CD38: variants seen among roughly 807,000 people sequenced by gnomAD.
CD38 encodes the protein ADP-ribosyl cyclase/cyclic ADP-ribose hydrolase 1.
CD38 carries 31 observed loss-of-function variants against 36.3 expected under a neutral mutation model. The ratio of observed to expected loss-of-function variants is 0.85; its 90% CI spans 0.64 to 1.15. The LOEUF is 1.15. Among genes scored for constraint, CD38 ranks in the 50% most tolerant of loss-of-function variants. The pLI, the probability that CD38 is intolerant of heterozygous loss-of-function variation, is 0.00. For missense variants in CD38, 380 were observed against 371.9 expected (o/e 1.02, Z -0.18); for synonymous variants, 131 against 135.2 (o/e 0.97, Z 0.22).
At chr4:15,781,000 C>G (rs1722683926) in intron 1 of CD38, among the ~76,000 whole-genome samples, 1 of 152,130 alleles carries the variant, frequency 6.6e-6, no homozygotes, top group African/African-American at 2.4e-5. Flanking sequence ...CCCAGCTACT[C>G]TGGAGACTGA....
Position 15,820,490 on chromosome 4 carries a change from G to T in CD38, c.363+3850G>T, listed in dbSNP as rs1723708690. Reference sequence around the variant, plus strand: ...CATAGGCTCAAAATAAGGGATGGAGGAATATTTACCAAGCAAATGGGAAAC... The same window carrying T: ...CATAGGCTCAAAATAAGGGATGGAGTAATATTTACCAAGCAAATGGGAAAC... On this transcript the variant is annotated intron_variant, in intron 2 of 7. Transcript: ENST00000226279. 2.0e-5 allele frequency among the ~76,000 whole-genome samples: 3 copies of T among 152,142 alleles called. No individual in the cohort carries two copies. The South Asian group carries it at 6.2e-4, about 32-fold the overall frequency.
intron 1 of CD38, among the ~76,000 whole-genome samples, chr4:15,809,003 T>G (rs976875365): frequency 2.6e-5 from 4 of 152,176 alleles, no homozygotes; most frequent in Admixed American, 2.0e-4. Context: ...GGCTGGGATA[T>G]TCTAGTTGTG....
intron 2 of CD38, among the ~76,000 whole-genome samples, chr4:15,819,211 A>T (rs905345390): frequency 1.1e-4 from 16 of 152,184 alleles, no homozygotes; most frequent in African/African-American, 3.9e-4. Flanking sequence ...GGAGGATAAC[A>T]TTAGGAGAAA....
Position 15,802,374 on chromosome 4 carries a change from A to G in CD38, c.234-14137A>G, listed in dbSNP as rs749222920. On this transcript the variant is annotated intron_variant, in intron 1 of 7. Transcript: ENST00000226279. ...GATTCCATACTACCCAAAGGAATCT[A>G]CAGATTCAGTGCAATCTCTATCGAA... 3.4e-4 allele frequency among the ~76,000 whole-genome samples: 51 copies of G among 152,172 alleles called. 1 individual carries two copies. The highest frequency in any genetic ancestry group is 6.6e-4 in the Non-Finnish European group (45 of 68,034).
chr4:15,841,497 C>A (rs1285182864), intron 7 of CD38, among the ~76,000 whole-genome samples: 3 of 152,182 alleles, frequency 2.0e-5, no homozygotes, highest in Admixed American at 2.0e-4. Flanking sequence ...AGCAGTTAGA[C>A]AGGAAAACAG....
At chr4:15,834,341 C>G in intron 4 of CD38, 39 bp downstream of exon 4, 1 of 1,259,730 alleles carries the variant, frequency 7.9e-7, no homozygotes, top group Non-Finnish European at 1.2e-6. Context: ...CTTTGGAGAC[C>G]ACAGAACTTA....
At chr4:15,822,630 A>C (rs28882455) in intron 2 of CD38, among the ~76,000 whole-genome samples, 9,650 of 152,174 alleles carry the variant, frequency 0.063, 346 homozygotes, top group African/African-American at 0.065. Context: ...AAACAAGGGA[A>C]GTGAAGGACC....
At chr4:15,802,361 C>T (rs1723244693) in intron 1 of CD38, among the ~76,000 whole-genome samples, 1 of 151,958 alleles carries the variant, frequency 6.6e-6, no homozygotes, top group African/African-American at 2.4e-5. Flanking sequence ...TTCCATACTA[C>T]CCAAAGGAAT....
chr4:15,790,704 C>A (rs369628821), intron 1 of CD38, among the ~76,000 whole-genome samples: 1 of 150,916 alleles, frequency 6.6e-6, no homozygotes, highest in Non-Finnish European at 1.5e-5. Context: ...CGTCTCTGCC[C>A]GGCCGCCATC....
intron 2 of CD38, among the ~76,000 whole-genome samples, chr4:15,821,102 T>C (rs1723724468): frequency 1.3e-5 from 2 of 152,078 alleles, no homozygotes; most frequent in South Asian, 4.1e-4. Context: ...GGGTAAATAA[T>C]AAAATTAAGC....
intron 2 of CD38, among the ~76,000 whole-genome samples, chr4:15,822,687 CACAA>C (rs909830876): frequency 8.5e-5 from 13 of 152,236 alleles, no homozygotes; most frequent in African/African-American, 3.1e-4. Flanking sequence ...TCAGAAAGGA[CACAA>C]ACAAATAGAA....
chr4:15,824,501 C>T (rs2148924394), intron 2 of CD38, among the ~76,000 whole-genome samples: 1 of 151,974 alleles, frequency 6.6e-6, no homozygotes, highest in East Asian at 1.9e-4. Flanking sequence ...AATCAAATAG[C>T]ACATCTTCCT....
intron 1 of CD38, among the ~76,000 whole-genome samples, chr4:15,784,900 A>T (rs7659350): frequency 0.21 from 31,489 of 152,022 alleles, 3,472 homozygotes; most frequent in African/African-American, 0.23. Flanking sequence ...TACTAAAAAT[A>T]CAAAAATTAG....
rs535711307 is a variant in CD38 at position 15,851,019 on chromosome 4, T to G, written c.*2417T>G. ...AATATTAGAAATCAATTTTTGAAAT[T>G]TCCCCTAGGAAGACTCATTTGAGTG... On this transcript the variant is annotated 3_prime_UTR_variant, in exon 8 of 8. Transcript: ENST00000226279. 1 of 152,314 alleles carries G rather than the reference T, an allele frequency of 6.6e-6. No homozygotes were observed. Among genetic ancestry groups the G allele is most frequent in the Non-Finnish European group, 1.5e-5 (1 of 68,044 alleles). 9.4% of individuals were successfully genotyped at this position (152,314 alleles called of 1,614,324 possible). A position where few individuals can be genotyped will look rare whatever the true frequency, so the allele number is the denominator to read the frequency against.
chr4:15,849,422 G>GT lies in CD38; in HGVS notation c.*823dup, dbSNP rs2148930445. 1 of 152,252 alleles carries GT rather than the reference G, an allele frequency of 6.6e-6. No individual in the cohort carries two copies. Among genetic ancestry groups the GT allele is most frequent in the East Asian group, 1.9e-4 (1 of 5,184 alleles). 9.4% of individuals were successfully genotyped at this position (152,252 alleles called of 1,614,324 possible). On this transcript the variant is annotated 3_prime_UTR_variant, in exon 8 of 8. Transcript: ENST00000226279. ...GGCCTTTCATACCAAACTAATAGTA[G>GT]TTTATATTCTCTTCCAACAAATGCA...
intron 2 of CD38, among the ~76,000 whole-genome samples, chr4:15,816,919 C>T (rs941383745): frequency 1.3e-5 from 2 of 152,182 alleles, no homozygotes; most frequent in Non-Finnish European, 2.9e-5. Context: ...ACACCAAACC[C>T]AACTCGAACA....
rs764086015 is a variant in CD38, at chr4:15,778,993, C to G, written c.233+346C>G. Among the ~76,000 whole-genome samples, 1 of 152,212 alleles carries G rather than the reference C, an allele frequency of 6.6e-6. No homozygotes were observed. The highest frequency in any genetic ancestry group is 1.5e-5 in the Non-Finnish European group (1 of 68,028). Reference sequence around the variant, plus strand: ...CAGCCCACCCTCGGCGCGCTCAGCCCGCTTCACCGCTTCAGGGACGGAATA... The same window carrying G: ...CAGCCCACCCTCGGCGCGCTCAGCCGGCTTCACCGCTTCAGGGACGGAATA... On this transcript the variant is annotated intron_variant, in intron 1 of 7. Coordinates refer to ENST00000226279, the MANE Select transcript of CD38 (RefSeq NM_001775.4). This position sits in a 1 kb window ranked among gnomAD's most constrained non-coding sequence, Gnocchi z 4.9.
chr4:15,825,056 AG>A, intron 3 of CD38, 40 bp downstream of exon 3: 4 of 1,564,822 alleles, frequency 2.6e-6, no homozygotes, highest in Non-Finnish European at 2.6e-6. Flanking sequence ...AGGGATGTGG[AG>A]GGTGAACAGA....
In CD38 at chr4:15,824,935, C is replaced by T. The variant is rs1800561; in HGVS notation, c.418C>T (p.Arg140Trp). The T allele has an allele frequency of 4.6e-4, 746 of 1,613,506 alleles. 6 individuals are homozygous for T. In the East Asian group the frequency reaches 9.8e-3, roughly 21 times the overall value. The change falls in exon 3 of 8, where the codon CGG becomes TGG. Residue 140 changes from arginine to tryptophan, a missense_variant. By Grantham distance (101) the Arg-to-Trp change is moderately radical. Coordinates refer to ENST00000226279, the MANE Select transcript of CD38 (RefSeq NM_001775.4). The part of the protein sequence containing the change: ...DLAHQFTQVQ[R>W]DMFTLEDTLL... ...GGCCCATCAGTTCACACAGGTCCAG[C>T]GGGACATGTTCACCCTGGAGGACAC...
Sources: allele counts gnomAD v4.1 joint callset (sites outside exome capture counted in the v4.1 genomes callset), GRCh38; gene constraint gnomAD v4.1.1; non-coding constraint Gnocchi (gnomAD v3.1); transcripts MANE v1.5; gene names NCBI Gene and HGNC (gene_info 2026-07-23, HGNC 2026-07-21).